NIPSNAP3B: variants seen among roughly 807,000 people sequenced by gnomAD.
NIPSNAP3B encodes the protein protein NipSnap homolog 3B.
In NIPSNAP3B, 30 loss-of-function variants were observed where a neutral mutation model predicts 31.5. The observed-to-expected ratio is 0.95, with a 90% CI of 0.71 to 1.29. NIPSNAP3B has a LOEUF of 1.29. NIPSNAP3B is among the 50% of genes most tolerant of loss of function. The probability of loss-of-function intolerance (pLI) is 0.00; values close to 1 mark genes in which losing one functional copy is unlikely to be tolerated. For synonymous variants in NIPSNAP3B, 106 were observed against 107.9 expected, an observed-to-expected ratio of 0.98 and a Z score of 0.11; for missense variants, 269 against 300.7, an observed-to-expected ratio of 0.89 and a Z score of 0.78.
chr9:104,779,922 T>G (rs1828433861), downstream of NIPSNAP3B, among the ~76,000 whole-genome samples: 1 of 152,128 alleles, frequency 6.6e-6, no homozygotes, highest in African/African-American at 2.4e-5. Flanking sequence ...TACCAGCTAC[T>G]TGGGAAGCTG....
chr9:104,784,016 G>A, the NIPSNAP3B span: 1 of 294,444 alleles, frequency 3.4e-6, no homozygotes, highest in Non-Finnish European at 6.4e-6. Flanking sequence ...AAAAGTGTGA[G>A]TTCAAACCCA....
chr9:104,767,411 C>T (rs1439391316), intron 2 of NIPSNAP3B, among the ~76,000 whole-genome samples: 2 of 152,128 alleles, frequency 1.3e-5, no homozygotes, highest in Admixed American at 1.3e-4. Context: ...ACTTCCATGT[C>T]TGTTCTTAAC....
At position 104,773,990 on chromosome 9, in the gene NIPSNAP3B, A is replaced by G. The variant is rs1828283314; in HGVS notation, c.*917A>G. 1.3e-5 allele frequency: 2 copies of G among 152,164 alleles called. No individual in the cohort carries two copies. The highest frequency in any genetic ancestry group is 4.8e-5 in the African/African-American group (2 of 41,428). The allele number at this position is 152,164 out of a possible 1,614,324, so 9.4% of individuals were successfully genotyped here. On this transcript the variant is annotated 3_prime_UTR_variant, in exon 6 of 6. Transcript: ENST00000374762. ...ATAGCATGCTGGGAACCTGAGAAGG[A>G]AGGTTTCTTTAGTACTGCCACAGAT...
the NIPSNAP3B span, among the ~76,000 whole-genome samples, chr9:104,786,683 T>C: frequency 9.9e-5 from 15 of 152,264 alleles, no homozygotes; most frequent in African/African-American, 1.7e-4. Flanking sequence ...ATGTTTACAA[T>C]ATATTAAGTG....
At chr9:104,786,801 C>T in the NIPSNAP3B span, 1 of 1,344,126 alleles carries the variant, frequency 7.4e-7, no homozygotes, top group Non-Finnish European at 1.1e-6. Flanking sequence ...CTAATTTTTA[C>T]AAAATGATCG....
intron 1 of NIPSNAP3B, 127 bp downstream of exon 1, chr9:104,764,427 C>G (rs1191424355): frequency 9.3e-6 from 7 of 749,166 alleles, no homozygotes; most frequent in Non-Finnish European, 1.4e-5. Context: ...CGCCGAAGTT[C>G]TAACGCGGTC....
chr9:104,775,850 T>A lies in NIPSNAP3B; in HGVS notation c.*2777T>A, dbSNP rs1232765403. On this transcript the variant is annotated 3_prime_UTR_variant, in exon 6 of 6. Coordinates refer to ENST00000374762, the MANE Select transcript of NIPSNAP3B (RefSeq NM_018376.4). ...CTGCCTTTTCTCTCATACACCATTA[T>A]GTACCTGTCAGCAGGTCCCAAATAT... Among the ~76,000 whole-genome samples the A allele has an allele frequency of 6.6e-6, 1 of 152,206 alleles. No individual in the cohort carries two copies. The highest frequency in any genetic ancestry group is 1.5e-5 in the Non-Finnish European group (1 of 68,042).
rs1016377710 is a variant in NIPSNAP3B, at chr9:104,773,673, A to C, written c.*600A>C. On this transcript the variant is annotated 3_prime_UTR_variant, in exon 6 of 6. Transcript: ENST00000374762. ...TAATGCAATTGGGTCACAGTGTTAAAAATCTAGAAAAGACTTGTTGGTTTA... is the reference window on the plus strand; with the variant it reads ...TAATGCAATTGGGTCACAGTGTTAACAATCTAGAAAAGACTTGTTGGTTTA... 1.3e-5 allele frequency: 2 copies of C among 152,184 alleles called. No homozygotes were observed. The highest frequency in any genetic ancestry group is 3.8e-4 in the East Asian group (2 of 5,202). 9.4% of individuals were successfully genotyped at this position (152,184 alleles called of 1,614,324 possible). A position where few individuals can be genotyped will look rare whatever the true frequency, so the allele number is the denominator to read the frequency against.
chr9:104,790,091 C>T, the NIPSNAP3B span, among the ~76,000 whole-genome samples: 1 of 138,506 alleles, frequency 7.2e-6, no homozygotes, highest in African/African-American at 3.1e-5. Context: ...AGTGAAACTC[C>T]GTCTCAAAAA....
At position 104,775,729 on chromosome 9, in the gene NIPSNAP3B, T is replaced by C. The variant is rs555127397; in HGVS notation, c.*2656T>C. ...ATCTCACACCCCTCTTGTCCAAAAC[T>C]GAGCTCTTGATCTTTAACCAGAAAC... is the stretch of plus-strand genomic sequence containing the variant. On this transcript the variant is annotated 3_prime_UTR_variant, in exon 6 of 6. Transcript: ENST00000374762. Among the ~76,000 whole-genome samples the C allele has an allele frequency of 1.7e-4, 26 of 152,336 alleles. 1 individual carries two copies. Among genetic ancestry groups the C allele is most frequent in the South Asian group, 1.7e-3 (8 of 4,828 alleles).
chr9:104,773,198 C>G lies in NIPSNAP3B; in HGVS notation c.*125C>G. ...GGTGGTAAGTTAATTAGTTAATTTG[C>G]TGTGCTTCTTGCATTTTTGAAAGTT... On this transcript the variant is annotated 3_prime_UTR_variant, in exon 6 of 6. Coordinates refer to ENST00000374762, the MANE Select transcript of NIPSNAP3B (RefSeq NM_018376.4). The G allele has an allele frequency of 1.1e-6, 1 of 913,366 alleles. No homozygotes were observed. Among genetic ancestry groups the G allele is most frequent in the Non-Finnish European group, 1.7e-6 (1 of 599,632 alleles). 56.6% of individuals were successfully genotyped at this position (913,366 alleles called of 1,614,324 possible).
intron 3 of NIPSNAP3B, among the ~76,000 whole-genome samples, 162 bp downstream of exon 3, chr9:104,769,183 G>A (rs1348809107): frequency 6.6e-6 from 1 of 152,090 alleles, no homozygotes; most frequent in Non-Finnish European, 1.5e-5. Flanking sequence ...ACTGGGCGCG[G>A]TGGCTCACGC....
intron 3 of NIPSNAP3B, among the ~76,000 whole-genome samples, 165 bp downstream of exon 3, chr9:104,769,186 G>A (rs1015597884): frequency 2.0e-5 from 3 of 152,104 alleles, no homozygotes; most frequent in African/African-American, 7.2e-5. Context: ...GGGCGCGGTG[G>A]CTCACGCCTA....
the NIPSNAP3B span, chr9:104,788,668 A>C: frequency 1.4e-6 from 2 of 1,384,946 alleles, no homozygotes; most frequent in Non-Finnish European, 2.0e-6. Context: ...CTCCATTACA[A>C]AGATACCAAT....
rs914615778 is a variant in NIPSNAP3B, at chr9:104,774,486, A to T, written c.*1413A>T. The stretch of plus-strand genomic sequence containing the variant: ...ACACATAAATTACCAATAAAATTAA[A>T]AGTTAACTAAAATACTACAGAAGAC... On this transcript the variant is annotated 3_prime_UTR_variant, in exon 6 of 6. Coordinates refer to ENST00000374762, the MANE Select transcript of NIPSNAP3B (RefSeq NM_018376.4). 6.6e-6 allele frequency among the ~76,000 whole-genome samples: 1 copy of T among 152,190 alleles called. No homozygotes were observed. Among genetic ancestry groups the T allele is most frequent in the Non-Finnish European group, 1.5e-5 (1 of 68,048 alleles).
downstream of NIPSNAP3B, among the ~76,000 whole-genome samples, chr9:104,780,014 G>A (rs891745693): frequency 3.3e-5 from 5 of 152,166 alleles, no homozygotes; most frequent in African/African-American, 7.2e-5. Context: ...ACGACAGAGC[G>A]AGATTCTGTT....
chr9:104,772,802 C>T lies in NIPSNAP3B; in HGVS notation c.581-20C>T, dbSNP rs2118800783. On this transcript the variant is annotated intron_variant, in intron 4 of 5. Transcript: ENST00000374762. ...CTATTGCCATATATTTCAGAAACTA[C>T]TTGTGGTTTATTTCTGCAGTTCATG... 1 of 1,607,324 alleles carries T rather than the reference C, an allele frequency of 6.2e-7. No individual in the cohort carries two copies. The highest frequency in any genetic ancestry group is 8.5e-7 in the Non-Finnish European group (1 of 1,176,310).
At chr9:104,782,512 C>T (rs549298167), downstream of NIPSNAP3B, 8 of 152,124 alleles carry the variant, frequency 5.3e-5, no homozygotes, top group Non-Finnish European at 8.8e-5. Context: ...TCTCTCAAGA[C>T]AGTTAACAGT....
chr9:104,789,766 G>GA, the NIPSNAP3B span, among the ~76,000 whole-genome samples: 4 of 143,784 alleles, frequency 2.8e-5, no homozygotes, highest in Non-Finnish European at 4.5e-5. Context: ...AAAAAACTCT[G>GA]AAAGCCACTG....
Sources: gnomAD v4.1 joint callset for allele counts (sites outside exome capture counted in the v4.1 genomes callset) on GRCh38, gnomAD v4.1.1 for gene constraint, MANE v1.5 for transcripts, NCBI Gene and HGNC (gene_info 2026-07-23, HGNC 2026-07-21) for gene names.